The following GALNT11 variants were observed in gnomAD, a reference collection of about 807,000 sequenced individuals.
GALNT11 encodes the protein UDP-GalNAc:polypeptide N-acetylgalactosaminyltransferase 11.
GALNT11 carries 47 observed loss-of-function variants against 72.7 expected under a neutral mutation model. The observed-to-expected ratio is 0.65, with a 90% CI of 0.51 to 0.82. The LOEUF is 0.82. Among genes scored for constraint, GALNT11 ranks in the 40% least tolerant of loss-of-function variants. The pLI is 0.00. For missense variants in GALNT11, 677 were observed against 778.4 expected (o/e 0.87, Z 1.55); for synonymous variants, 270 against 286.6 (o/e 0.94, Z 0.58).
intron 1 of GALNT11, among the ~76,000 whole-genome samples, chr7:152,075,415 G>C (rs1213827562): frequency 6.6e-6 from 1 of 152,214 alleles, no homozygotes; most frequent in Non-Finnish European, 1.5e-5. Context: ...GTCTAGGTTT[G>C]ATTATGCTAA....
At chr7:152,069,077 G>T (rs187531698) in intron 1 of GALNT11, among the ~76,000 whole-genome samples, 36 of 152,258 alleles carry the variant, frequency 2.4e-4, no homozygotes, top group African/African-American at 8.2e-4. Flanking sequence ...TTCATTTAAT[G>T]CTGCACGTTT....
At chr7:152,106,477 C>T (rs1267499557) in intron 5 of GALNT11, among the ~76,000 whole-genome samples, 1 of 151,902 alleles carries the variant, frequency 6.6e-6, no homozygotes, top group Non-Finnish European at 1.5e-5. Context: ...AGCTCCTCTA[C>T]ATCCTATCTG....
chr7:152,116,903 GAC>G, intron 8 of GALNT11: 2 of 629,082 alleles, frequency 3.2e-6, no homozygotes, highest in East Asian at 3.3e-5. Context: ...AATATGAACA[GAC>G]ACAGCCCACA....
chr7:152,032,504 T>C (rs1450679982), intron 1 of GALNT11, among the ~76,000 whole-genome samples: 1 of 152,200 alleles, frequency 6.6e-6, no homozygotes, highest in Non-Finnish European at 1.5e-5. Flanking sequence ...CCACTGACCG[T>C]TCGGTTTTTG....
Position 152,040,190 on chromosome 7 carries a change from G to C in GALNT11, c.-39+14306G>C, listed in dbSNP as rs185420945. Among the ~76,000 whole-genome samples, 428 of 151,862 alleles carry C rather than the reference G, an allele frequency of 2.8e-3. 3 individuals carry two copies. Among genetic ancestry groups the C allele is most frequent in the African/African-American group, 9.9e-3 (409 of 41,412 alleles). On this transcript the variant is annotated intron_variant, in intron 1 of 11. Coordinates refer to ENST00000430044, the MANE Select transcript of GALNT11 (RefSeq NM_022087.4). The stretch of plus-strand genomic sequence containing the variant: ...TGCCCACCACTGCAAAATACTGCAA[G>C]AGGTGACGTTTAACACAAGCAGAAG...
chr7:152,114,023 C>T (rs796298686), intron 8 of GALNT11, among the ~76,000 whole-genome samples: 10 of 151,980 alleles, frequency 6.6e-5, no homozygotes, highest in African/African-American at 1.4e-4. Flanking sequence ...CTTGGCCTCC[C>T]GAAGTGCTGG....
intron 3 of GALNT11, 111 bp from the exon 4 acceptor site, chr7:152,102,999 CAG>C: frequency 1.1e-6 from 1 of 937,216 alleles, no homozygotes; most frequent in East Asian, 2.8e-5. Flanking sequence ...AAAAAAAAGG[CAG>C]GGGGTGGGGG....
intron 1 of GALNT11, among the ~76,000 whole-genome samples, chr7:152,041,311 C>T (rs991060192): frequency 6.6e-6 from 1 of 152,132 alleles, no homozygotes; most frequent in East Asian, 1.9e-4. Flanking sequence ...AAATGGTTAT[C>T]GAGAATACCC....
At chr7:152,118,825 G>A in intron 10 of GALNT11, 43 bp downstream of exon 10, 2 of 1,531,854 alleles carry the variant, frequency 1.3e-6, no homozygotes, top group Non-Finnish European at 8.9e-7. Flanking sequence ...CCGCAAGGAG[G>A]CTTCCAGTGT....
rs1349884510 is a variant in GALNT11 at position 152,117,198 on chromosome 7, C to T, written c.1275C>T (p.Ser425=). 6 of 1,613,584 alleles carry T rather than the reference C, an allele frequency of 3.7e-6. No homozygotes were observed. The African/African-American group carries it at 8.0e-5, about 22-fold the overall frequency. The change falls in exon 9 of 12, where the codon AGC becomes AGT. Residue 425 remains serine (S), a synonymous_variant. Transcript: ENST00000430044. ...FSLRPDLKTK[S]YGNISERVEL... is the part of the protein sequence containing the mutation. The stretch of plus-strand genomic sequence containing the variant: ...TAAGACCTGACCTGAAGACGAAAAG[C>T]TATGGCAATATCAGTGAGCGTGTGG...
Position 152,118,692 on chromosome 7 carries a change from GACCA to G in GALNT11, c.1470_1473del (p.Lys492AlafsTer39), listed in dbSNP as rs1358632747. 1 of 1,610,554 alleles carries G rather than the reference GACCA, an allele frequency of 6.2e-7. No homozygotes were observed. Among genetic ancestry groups the G allele is most frequent in the East Asian group, 2.2e-5 (1 of 44,602 alleles). ...TTCTCTTACAGCTCTATCACCTCCA[GACCA>G]ACAAATGCCTGGTGGCCCAGGGCCG... On this transcript the variant is annotated frameshift_variant, in exon 10 of 12. Transcript: ENST00000430044. LOFTEE classifies it high-confidence loss of function.
At chr7:152,109,751 A>G (rs1395791836) in intron 6 of GALNT11, among the ~76,000 whole-genome samples, 1 of 152,126 alleles carries the variant, frequency 6.6e-6, no homozygotes, top group Non-Finnish European at 1.5e-5. Context: ...CATACCTGGG[A>G]TGATGTTTTT....
intron 1 of GALNT11, among the ~76,000 whole-genome samples, chr7:152,063,447 T>G (rs1465328004): frequency 6.6e-6 from 1 of 152,228 alleles, no homozygotes; most frequent in Admixed American, 6.5e-5. Flanking sequence ...AAGGGTTTTT[T>G]GTGTCTCTAT....
chr7:152,097,071 G>A (rs1048277915), intron 2 of GALNT11, among the ~76,000 whole-genome samples: 7 of 152,120 alleles, frequency 4.6e-5, no homozygotes, highest in East Asian at 1.9e-4. Context: ...CAAGCCATTC[G>A]CCTGCCTTTG....
At chr7:152,045,351 C>T (rs755830395) in intron 1 of GALNT11, among the ~76,000 whole-genome samples, 5 of 152,008 alleles carry the variant, frequency 3.3e-5, no homozygotes, top group Admixed American at 6.6e-5. Context: ...GGAATAGTTT[C>T]GGTAGGATTG....
Position 152,121,787 on chromosome 7 carries a change from GACA to G in GALNT11, c.*111_*113del. 1.4e-6 allele frequency: 2 copies of G among 1,386,264 alleles called. No individual in the cohort carries two copies. The highest frequency in any genetic ancestry group is 2.0e-6 in the Non-Finnish European group (2 of 1,020,536). 85.9% of individuals were successfully genotyped at this position (1,386,264 alleles called of 1,614,324 possible). A position where few individuals can be genotyped will look rare whatever the true frequency, so the allele number is the denominator to read the frequency against. ...GGAGCAGAACCATCTTGGAGAAGAT[GACA>G]GTTCCCTGTCCTCCCGGAGATGCCT... is the stretch of plus-strand genomic sequence containing the variant. On this transcript the variant is annotated 3_prime_UTR_variant, in exon 12 of 12. Transcript: ENST00000430044.
intron 1 of GALNT11, among the ~76,000 whole-genome samples, chr7:152,026,693 C>T (rs1473410602): frequency 1.3e-5 from 2 of 152,230 alleles, no homozygotes; most frequent in Non-Finnish European, 2.9e-5. Flanking sequence ...ATTGTGTGTT[C>T]AGTAAAAGGC....
At position 152,103,137 on chromosome 7, in the gene GALNT11, GA is replaced by G; in HGVS notation, c.446del (p.Asp149AlafsTer27). 1.2e-6 allele frequency: 2 copies of G among 1,609,656 alleles called. No individual in the cohort carries two copies. The highest frequency in any genetic ancestry group is 1.7e-6 in the Non-Finnish European group (2 of 1,177,282). On this transcript the variant is annotated frameshift_variant, in exon 4 of 12. Coordinates refer to ENST00000430044, the MANE Select transcript of GALNT11 (RefSeq NM_022087.4). LOFTEE classifies it high-confidence loss of function. Reference protein sequence around the residue: ...AACKEKFYPPDLPAASVVICF... With the variant: ...AACKEKFYPPXLPAASVVICF... ...ATGTAAAGAAAAGTTCTACCCACCT[GA>G]CCTGCCAGCTGCTAGTGTTGTTATC...
At chr7:152,029,812 C>CTGG (rs1249029025) in intron 1 of GALNT11, among the ~76,000 whole-genome samples, 1 of 152,236 alleles carries the variant, frequency 6.6e-6, no homozygotes, top group Non-Finnish European at 1.5e-5. Flanking sequence ...CCTCCTAGAT[C>CTGG]TGGTCGGACC....
Sources: allele counts gnomAD v4.1 joint callset (sites outside exome capture counted in the v4.1 genomes callset), GRCh38; gene constraint gnomAD v4.1.1; transcripts MANE v1.5; gene names NCBI Gene and HGNC (gene_info 2026-07-23, HGNC 2026-07-21).